Variants in TACR1 observed in about 807,000 individuals in gnomAD.
TACR1 encodes the protein tachykinin receptor 1.
A neutral mutation model predicts 35.8 loss-of-function variants in TACR1; 25 were observed. That is an observed-to-expected ratio of 0.70 (90% CI 0.51 to 0.98). TACR1 has a LOEUF of 0.98. Ranked by LOEUF, TACR1 falls within the 50% of genes least tolerant of loss-of-function variation. The pLI is 0.00. For synonymous variants in TACR1, 195 were observed against 206.7 expected (o/e 0.94, Z 0.48); for missense variants, 478 against 522.9 (o/e 0.91, Z 0.84).
chr2:75,147,723 C>T (rs996564424), intron 1 of TACR1, among the ~76,000 whole-genome samples: 1 of 150,428 alleles, frequency 6.6e-6, no homozygotes, highest in African/African-American at 2.4e-5. Context: ...ATCCAAGTCC[C>T]TGCAAAGGAC....
chr2:75,129,606 A>G (rs1011499042), intron 1 of TACR1, among the ~76,000 whole-genome samples: 1 of 152,234 alleles, frequency 6.6e-6, no homozygotes, highest in Non-Finnish European at 1.5e-5. Flanking sequence ...CCTCACAACT[A>G]TGTACAATTA....
At chr2:75,080,087 C>T (rs985127239) in intron 2 of TACR1, among the ~76,000 whole-genome samples, 3 of 152,062 alleles carry the variant, frequency 2.0e-5, no homozygotes, top group African/African-American at 4.8e-5. Flanking sequence ...ACTTATACTT[C>T]GAGATAGTAA....
At chr2:75,087,514 A>G (rs1673211823) in intron 2 of TACR1, among the ~76,000 whole-genome samples, 2 of 152,218 alleles carry the variant, frequency 1.3e-5, no homozygotes, top group African/African-American at 4.8e-5. Context: ...CTATTAAGAA[A>G]GGCTGTAGAA....
At chr2:75,181,264 G>T (rs1675551334) in intron 1 of TACR1, among the ~76,000 whole-genome samples, 1 of 151,578 alleles carries the variant, frequency 6.6e-6, no homozygotes, top group African/African-American at 2.4e-5. Context: ...AAACAAATAT[G>T]AATTTAAAAA....
chr2:75,091,574 A>T (rs1558549947), intron 2 of TACR1, among the ~76,000 whole-genome samples: 1 of 152,170 alleles, frequency 6.6e-6, no homozygotes, highest in Non-Finnish European at 1.5e-5. Flanking sequence ...TGCTTAAGTG[A>T]GTCTGTTATT....
intron 1 of TACR1, among the ~76,000 whole-genome samples, chr2:75,125,610 C>T (rs2103918974): frequency 6.6e-6 from 1 of 152,150 alleles, no homozygotes; most frequent in East Asian, 1.9e-4. Flanking sequence ...TATCTTGGCA[C>T]ATAGCAGTGG....
At chr2:75,146,060 G>A (rs1172843572) in intron 1 of TACR1, among the ~76,000 whole-genome samples, 1 of 152,204 alleles carries the variant, frequency 6.6e-6, no homozygotes, top group East Asian at 1.9e-4. Context: ...GGGCAGTAAA[G>A]GAGGGGTGGT....
intron 1 of TACR1, among the ~76,000 whole-genome samples, chr2:75,157,819 A>G (rs1674900300): frequency 6.6e-6 from 1 of 152,260 alleles, no homozygotes; most frequent in African/African-American, 2.4e-5. Context: ...TGGGAAATAG[A>G]CTGAAAGAAA....
At chr2:75,102,450 G>A (rs1053270402) in intron 2 of TACR1, among the ~76,000 whole-genome samples, 1 of 152,134 alleles carries the variant, frequency 6.6e-6, no homozygotes, top group African/African-American at 2.4e-5. Context: ...CTGTAATAGA[G>A]TAAATTTTTT....
At chr2:75,149,026 A>G (rs1674608358) in intron 1 of TACR1, among the ~76,000 whole-genome samples, 1 of 152,110 alleles carries the variant, frequency 6.6e-6, no homozygotes, top group Non-Finnish European at 1.5e-5. Flanking sequence ...AAGATCAGAT[A>G]GTTTTAGATG....
chr2:75,086,200 G>A (rs1400284807), intron 2 of TACR1, among the ~76,000 whole-genome samples: 2 of 152,212 alleles, frequency 1.3e-5, no homozygotes, highest in African/African-American at 2.4e-5. Flanking sequence ...TCACAGCAGA[G>A]GAACTGGGAA....
chr2:75,108,374 A>G lies in TACR1; in HGVS notation c.584+12200T>C, dbSNP rs72807368. On this transcript the variant is annotated intron_variant, in intron 2 of 4. Transcript: ENST00000305249. ...TTAAAATGATTTGCATACATGGGGT[A>G]CATTAAAAATATACTTTTCTCAACA... 9.7e-3 allele frequency among the ~76,000 whole-genome samples: 1,476 copies of G among 152,314 alleles called. 30 individuals are homozygous for G. Among genetic ancestry groups the G allele is most frequent in the African/African-American group, 0.034 (1,409 of 41,584 alleles).
At chr2:75,159,887 T>C (rs948778711) in intron 1 of TACR1, among the ~76,000 whole-genome samples, 17 of 152,146 alleles carry the variant, frequency 1.1e-4, no homozygotes, top group African/African-American at 4.1e-4. Flanking sequence ...ATTTACTACA[T>C]GTCAATAGAG....
chr2:75,115,645 G>T (rs1456191798), intron 2 of TACR1, among the ~76,000 whole-genome samples: 1 of 152,072 alleles, frequency 6.6e-6, no homozygotes, highest in Non-Finnish European at 1.5e-5. Context: ...GGTGGCTCAC[G>T]CCTGTAATCC....
intron 2 of TACR1, among the ~76,000 whole-genome samples, chr2:75,094,859 A>ATATATATATATATATATATATTTTT: frequency 4.4e-5 from 5 of 113,098 alleles, no homozygotes; most frequent in African/African-American, 1.4e-4. Context: ...ATATATATAT[A>ATATATATATATATATATATATTTTT]TTTTTTTTTT....
chr2:75,090,275 A>G lies in TACR1; in HGVS notation c.584+30299T>C, dbSNP rs187556920. 1.9e-4 allele frequency among the ~76,000 whole-genome samples: 29 copies of G among 152,332 alleles called. 1 individual carries two copies. In the East Asian group the frequency reaches 5.6e-3, roughly 29 times the overall value. On this transcript the variant is annotated intron_variant, in intron 2 of 4. Transcript: ENST00000305249. ...AAAAATAAAATTCTAAGGCCCCCCA[A>G]CCATCTAAACAGACTTCCTCCTCAG...
intron 1 of TACR1, among the ~76,000 whole-genome samples, chr2:75,151,536 C>A (rs550553996): frequency 6.6e-6 from 1 of 152,198 alleles, no homozygotes; most frequent in Non-Finnish European, 1.5e-5. Flanking sequence ...GATTTGGGAA[C>A]CTTTGCCTAG....
chr2:75,130,795 A>G (rs1337095840), intron 1 of TACR1, among the ~76,000 whole-genome samples: 1 of 152,248 alleles, frequency 6.6e-6, no homozygotes, highest in African/African-American at 2.4e-5. Flanking sequence ...AGTTATTTTA[A>G]GACAACCGTG....
At chr2:75,190,190 T>G (rs1444387496) in intron 1 of TACR1, among the ~76,000 whole-genome samples, 1 of 152,202 alleles carries the variant, frequency 6.6e-6, no homozygotes, top group Non-Finnish European at 1.5e-5. Flanking sequence ...CTTTTTGCAA[T>G]GAACACATTC....
Sources: allele counts gnomAD v4.1 joint callset (sites outside exome capture counted in the v4.1 genomes callset), GRCh38; gene constraint gnomAD v4.1.1; transcripts MANE v1.5; gene names NCBI Gene and HGNC (gene_info 2026-07-23, HGNC 2026-07-21).